The following SMTN variants were observed in gnomAD, a reference collection of about 807,000 sequenced individuals.
SMTN encodes smoothelin.
SMTN carries 58 observed loss-of-function variants against 102.0 expected under a neutral mutation model. The observed-to-expected ratio is 0.57, with a 90% confidence interval of 0.46 to 0.71. The LOEUF (loss-of-function observed/expected upper bound fraction) is 0.71, where lower values mean the gene tolerates loss of function less well. Among genes scored for constraint, SMTN ranks in the 30% least tolerant of loss-of-function variants. The pLI is 0.00. For synonymous variants in SMTN, 478 were observed against 497.9 expected, an observed-to-expected ratio of 0.96 and a Z score of 0.53; for missense variants, 1,185 against 1,241.7, an observed-to-expected ratio of 0.95 and a Z score of 0.69.
At position 31,088,984 on chromosome 22, in the gene SMTN, A is replaced by G. The variant is rs1329138798; in HGVS notation, c.471+15A>G. On this transcript the variant is annotated intron_variant, in intron 6 of 20. Coordinates refer to ENST00000333137, the MANE Select transcript of SMTN (RefSeq NM_134269.3). ...AACAGTGTGAGGTAAGGAGGGTGGG[A>G]GAGTGGCCCAGTGTCCTGTGCCCAT... The G allele has an allele frequency of 6.3e-7, 1 of 1,599,318 alleles. No individual in the cohort carries two copies. The highest frequency in any genetic ancestry group is 1.7e-4 in the Middle Eastern group (1 of 5,990).
chr22:31,090,420 T>C (rs1261328066), intron 8 of SMTN, among the ~76,000 whole-genome samples: 1 of 143,848 alleles, frequency 7.0e-6, no homozygotes, highest in Non-Finnish European at 1.5e-5. Flanking sequence ...CTCAGGCACA[T>C]TCTTCTCCCC....
At chr22:31,091,880 TC>T in intron 11 of SMTN, 33 bp downstream of exon 11, 1 of 1,517,662 alleles carries the variant, frequency 6.6e-7, no homozygotes, top group Non-Finnish European at 8.9e-7. Flanking sequence ...AGCCTCACCA[TC>T]CGTCAGCCTC....
At chr22:31,077,839 C>T (rs2042166858), upstream of SMTN, among the ~76,000 whole-genome samples, 1 of 152,220 alleles carries the variant, frequency 6.6e-6, no homozygotes, top group Non-Finnish European at 1.5e-5. Flanking sequence ...GAGATGATGG[C>T]CTTGCCAAAC....
In SMTN at chr22:31,095,366, A is replaced by C; in HGVS notation, c.1696A>C (p.Thr566Pro). The change falls in exon 12 of 21, where the codon ACC becomes CCC. Residue 566 changes from threonine (T) to proline (P), a missense_variant. Around this residue, in one of 2 missense-constraint regions of SMTN, gnomAD observed 1,096 missense variants for 1,112.7 expected, o/e 0.98. Coordinates refer to ENST00000333137, the MANE Select transcript of SMTN (RefSeq NM_134269.3). The surrounding 1 kb of genome is among the most constrained non-coding windows in gnomAD (Gnocchi z 4.1). ...GGAAGCGGCCAATGGGGCTGAGCAG[A>C]CCCGAGTGAACAAAGCACCAGAAGG... ...AVEAANGAEQ[T>P]RVNKAPEGRS... 6.2e-7 allele frequency: 1 copy of C among 1,614,176 alleles called. No individual in the cohort carries two copies. The highest frequency in any genetic ancestry group is 8.5e-7 in the Non-Finnish European group (1 of 1,179,986).
intron 1 of SMTN, chr22:31,082,828 C>A (rs2042399334): frequency 6.7e-7 from 1 of 1,492,956 alleles, no homozygotes; most frequent in Non-Finnish European, 9.0e-7. Context: ...CTGGAGTGCA[C>A]CCCCTGGTGG....
rs754744824 is a variant in SMTN at position 31,097,034 on chromosome 22, A to C, written c.2063A>C (p.Glu688Ala). 1.9e-6 allele frequency: 3 copies of C among 1,614,122 alleles called. No individual in the cohort carries two copies. Among genetic ancestry groups the C allele is most frequent in the Non-Finnish European group, 2.5e-6 (3 of 1,180,006 alleles). Residue 688 changes from glutamate (E) to alanine (A), a missense_variant, in exon 15 of 21, where the codon GAG becomes GCG. By Grantham distance (107) the Glu-to-Ala change is moderately radical (BLOSUM62 -1). Around this residue, in one of 2 missense-constraint regions of SMTN, gnomAD observed 1,096 missense variants for 1,112.7 expected, o/e 0.98. Coordinates refer to ENST00000333137, the MANE Select transcript of SMTN (RefSeq NM_134269.3). ...GTRTARTTTV[E>A]SSFVRRSENG... Reference sequence around the variant, plus strand: ...CGGACGGCCCGCACCACCACAGTGGAGTCGAGTTTCGTGAGGCGCTCGGAG... The same window carrying C: ...CGGACGGCCCGCACCACCACAGTGGCGTCGAGTTTCGTGAGGCGCTCGGAG...
chr22:31,100,843 GC>G lies in SMTN; in HGVS notation c.2604-37del, dbSNP rs768785026. On this transcript the variant is annotated intron_variant, in intron 19 of 20. Transcript: ENST00000333137. ...TCCCCACCCGGGGCCCTGGCCTCCT[GC>G]CCCCGTCCCCCACCCCTTCCCGGCC... is the stretch of plus-strand genomic sequence containing the variant. 8.3e-6 allele frequency: 6 copies of G among 723,126 alleles called. No homozygotes were observed. In the East Asian group the frequency reaches 1.6e-4, roughly 19 times the overall value. 44.8% of individuals were successfully genotyped at this position (723,126 alleles called of 1,614,324 possible).
chr22:31,070,923 C>T (rs1436454064), intron 1 of SMTN, among the ~76,000 whole-genome samples: 1 of 104,486 alleles, frequency 9.6e-6, no homozygotes, highest in Admixed American at 1.0e-4. Flanking sequence ...AACTCTGTCT[C>T]AAAAAAAAAA....
intron 1 of SMTN, among the ~76,000 whole-genome samples, chr22:31,070,923 CAAAAAAA>C (rs111579063): frequency 9.6e-6 from 1 of 104,488 alleles, no homozygotes; most frequent in Non-Finnish European, 1.9e-5. Flanking sequence ...AACTCTGTCT[CAAAAAAA>C]AAAAAAAAAA....
chr22:31,088,188 G>T (rs949555508), intron 3 of SMTN, 75 bp downstream of exon 3: 2 of 1,474,860 alleles, frequency 1.4e-6, no homozygotes, highest in African/African-American at 2.8e-5. Context: ...GTGCAGGCAG[G>T]CGTGAGCACA....
intron 2 of SMTN, among the ~76,000 whole-genome samples, chr22:31,084,060 T>A (rs1001719888): frequency 1.3e-5 from 2 of 152,208 alleles, no homozygotes; most frequent in African/African-American, 4.8e-5. Flanking sequence ...GGGGACAGAA[T>A]GAGGCATGGA....
At position 31,092,558 on chromosome 22, in the gene SMTN, C is replaced by T. The variant is rs78443262; in HGVS notation, c.1632+711C>T. The T allele has an allele frequency of 5.8e-3, 2,711 of 471,028 alleles. 48 individuals are homozygous for T. The highest frequency in any genetic ancestry group is 0.041 in the African/African-American group (2,078 of 50,188). 29.2% of individuals were successfully genotyped at this position (471,028 alleles called of 1,614,324 possible). A position where few individuals can be genotyped will look rare whatever the true frequency, so the allele number is the denominator to read the frequency against. ...AATGCCCTCTGTGCTAAACCAGGGACTGAATGGGACTTTGGCTGAGGTGAG... is the reference window on the plus strand; with the variant it reads ...AATGCCCTCTGTGCTAAACCAGGGATTGAATGGGACTTTGGCTGAGGTGAG... On this transcript the variant is annotated intron_variant, in intron 11 of 20. Coordinates refer to ENST00000333137, the MANE Select transcript of SMTN (RefSeq NM_134269.3).
intron 20 of SMTN, chr22:31,102,110 G>C (rs984856302): frequency 3.9e-5 from 6 of 152,170 alleles, no homozygotes; most frequent in African/African-American, 1.4e-4. Flanking sequence ...TTTCTGGCTG[G>C]GGACTCTGGA....
At chr22:31,099,401 T>C (rs2043893959) in intron 18 of SMTN, 2 of 592,446 alleles carry the variant, frequency 3.4e-6, no homozygotes, top group Non-Finnish European at 6.0e-6. Flanking sequence ...TCTTGGGTGG[T>C]GGGCAGGGTT....
upstream of SMTN, among the ~76,000 whole-genome samples, chr22:31,081,058 C>G (rs1033169449): frequency 5.3e-5 from 8 of 152,110 alleles, no homozygotes; most frequent in Non-Finnish European, 7.4e-5. Context: ...GGCGCCCCCC[C>G]CGACTTGGCG....
Position 31,090,038 on chromosome 22 carries a change from C to A in SMTN, c.792+19C>A, listed in dbSNP as rs1186016415. 6.2e-7 allele frequency: 1 copy of A among 1,609,540 alleles called. No homozygotes were observed. The highest frequency in any genetic ancestry group is 1.1e-5 in the South Asian group (1 of 90,708). ...CAACAAGGTGAGTCTGGATGAGGGG[C>A]AGGGATGCCAGGCAAGTGAGCAGGT... On this transcript the variant is annotated intron_variant, in intron 7 of 20. Transcript: ENST00000333137.
chr22:31,098,826 G>A lies in SMTN; in HGVS notation c.2319G>A (p.Lys773=). Residue 773 remains lysine, a synonymous_variant, in exon 17 of 21, where the codon AAG becomes AAA. Transcript: ENST00000333137. ...ARKAMIEKLE[K]EGAAGSPGGP... ...AGGCCATGATTGAGAAGCTGGAGAA[G>A]GAGGGCGCGGCCGGGTGAGCTGCAG... 1 of 1,609,346 alleles carries A rather than the reference G, an allele frequency of 6.2e-7. No homozygotes were observed. Among genetic ancestry groups the A allele is most frequent in the Non-Finnish European group, 8.5e-7 (1 of 1,179,344 alleles).
At chr22:31,098,503 T>C (rs1602669011) in intron 16 of SMTN, among the ~76,000 whole-genome samples, 164 bp from the exon 17 acceptor site, 1 of 152,100 alleles carries the variant, frequency 6.6e-6, no homozygotes, top group East Asian at 1.9e-4. Flanking sequence ...CTCAGTGTAC[T>C]CCTCTAAAAT....
intron 1 of SMTN, chr22:31,068,187 C>T (rs958860355): frequency 6.6e-6 from 1 of 151,948 alleles, no homozygotes; most frequent in Non-Finnish European, 1.5e-5. Context: ...ACCTGTAATC[C>T]CAGCTACTCG....
Sources: gnomAD v4.1 joint callset for allele counts (sites outside exome capture counted in the v4.1 genomes callset) on GRCh38, gnomAD v4.1.1 for gene constraint, gnomAD v4.1.1 regional missense constraint, Gnocchi (gnomAD v3.1) non-coding constraint, MANE v1.5 for transcripts, NCBI Gene and HGNC (gene_info 2026-07-23, HGNC 2026-07-21) for gene names.